The following GREM2 variants were observed in gnomAD, a reference collection of about 807,000 sequenced individuals.
GREM2 encodes gremlin-2.
Under a neutral mutation model 14.2 loss-of-function variants are expected in GREM2, and 11 were observed. The observed-to-expected ratio is 0.78, with a 90% CI of 0.49 to 1.28. GREM2 has a LOEUF of 1.28. GREM2 is among the 50% of genes most tolerant of loss of function. The pLI is 0.00. For synonymous variants in GREM2, 98 were observed against 97.6 expected (o/e 1.00, Z -0.02); for missense variants, 210 against 218.5 (o/e 0.96, Z 0.24).
chr1:240,609,786 T>C (rs1680098175), intron 1 of GREM2, among the ~76,000 whole-genome samples: 1 of 152,272 alleles, frequency 6.6e-6, no homozygotes, highest in East Asian at 1.9e-4. Context: ...CCTCTCCATA[T>C]CAATAAGAAC....
At position 240,492,682 on chromosome 1, in the gene GREM2, C is replaced by T. The variant is rs1677285527; in HGVS notation, c.*287G>A. On this transcript the variant is annotated 3_prime_UTR_variant, in exon 2 of 2. Coordinates refer to ENST00000318160, the MANE Select transcript of GREM2 (RefSeq NM_022469.4). ...CATCACCTCGAAAGGTCCTCTCTGA[C>T]TGCTGGGTGGCGGTGGTGGTTTTCC... 3.9e-6 allele frequency: 1 copy of T among 254,828 alleles called. No individual in the cohort carries two copies. The highest frequency in any genetic ancestry group is 1.7e-4 in the South Asian group (1 of 5,850). The allele number at this position is 254,828 out of a possible 1,614,324, so 15.8% of individuals were successfully genotyped here.
rs1247020023 is a variant in GREM2 at position 240,490,888 on chromosome 1, T to C, written c.*2081A>G. On this transcript the variant is annotated 3_prime_UTR_variant, in exon 2 of 2. Coordinates refer to ENST00000318160, the MANE Select transcript of GREM2 (RefSeq NM_022469.4). ...TCCATTACAATCACGTAAATTTCCT[T>C]CCTTCACAGCTTTTCTGCTGCATGT... is the stretch of plus-strand genomic sequence containing the variant. The C allele has an allele frequency of 1.3e-5, 2 of 152,268 alleles. No individual in the cohort carries two copies. The highest frequency in any genetic ancestry group is 2.9e-5 in the Non-Finnish European group (2 of 68,082). 9.4% of individuals were successfully genotyped at this position (152,268 alleles called of 1,614,324 possible).
chr1:240,593,276 C>T (rs1679746152), intron 1 of GREM2, among the ~76,000 whole-genome samples: 1 of 152,200 alleles, frequency 6.6e-6, no homozygotes. Context: ...GGGGAAGAGG[C>T]TGCTTTGCAG....
chr1:240,607,978 T>G (rs1680064468), intron 1 of GREM2, among the ~76,000 whole-genome samples: 2 of 152,240 alleles, frequency 1.3e-5, no homozygotes, highest in Admixed American at 6.5e-5. Flanking sequence ...TAAAGGACTA[T>G]ACTAGTAAAA....
chr1:240,603,790 A>G (rs1037152289), intron 1 of GREM2, among the ~76,000 whole-genome samples: 1 of 151,722 alleles, frequency 6.6e-6, no homozygotes, highest in South Asian at 2.1e-4. Flanking sequence ...TTATTGTGTT[A>G]TTATATATGT....
chr1:240,492,876 G>GT lies in GREM2; in HGVS notation c.*92dup, dbSNP rs1483434311. 5.7e-6 allele frequency: 7 copies of GT among 1,221,436 alleles called. No homozygotes were observed. In the African/African-American group the frequency reaches 8.0e-5, roughly 14 times the overall value. The allele number at this position is 1,221,436 out of a possible 1,614,324, so 75.7% of individuals were successfully genotyped here. On this transcript the variant is annotated 3_prime_UTR_variant, in exon 2 of 2. Coordinates refer to ENST00000318160, the MANE Select transcript of GREM2 (RefSeq NM_022469.4). ...CTGCTGAGGGGGAACACCAGGCAGC[G>GT]TGACAGTGGGCTCGGAGGGCAGGGA...
chr1:240,522,254 A>G (rs1303626035), intron 1 of GREM2, among the ~76,000 whole-genome samples: 2 of 152,194 alleles, frequency 1.3e-5, no homozygotes, highest in Non-Finnish European at 2.9e-5. Flanking sequence ...AATATAGAGC[A>G]CAGACTTTTG....
In GREM2 at chr1:240,515,726, T is replaced by C. The variant is rs548196139; in HGVS notation, c.-1-22250A>G. On this transcript the variant is annotated intron_variant, in intron 1 of 1. Coordinates refer to ENST00000318160, the MANE Select transcript of GREM2 (RefSeq NM_022469.4). ...CGTGGGTTTTCTTCCTGAGGCTGTGTTCCAGAGAGGGCAATAAAGGGTAAA... is the reference window on the plus strand; with the variant it reads ...CGTGGGTTTTCTTCCTGAGGCTGTGCTCCAGAGAGGGCAATAAAGGGTAAA... Among the ~76,000 whole-genome samples the C allele has an allele frequency of 3.4e-4, 52 of 152,316 alleles. No individual in the cohort carries two copies. The Middle Eastern group carries it at 0.017, about 50-fold the overall frequency.
At position 240,543,841 on chromosome 1, in the gene GREM2, T is replaced by C. The variant is rs151313852; in HGVS notation, c.-1-50365A>G. On this transcript the variant is annotated intron_variant, in intron 1 of 1. Transcript: ENST00000318160. The surrounding 1 kb of genome is among the most constrained non-coding windows in gnomAD (Gnocchi z 6.4). ...TTGATATCTTAAGAGAAATGCCCTA[T>C]ATAATGTGAGACTATTATAATTTTA... 2.7e-3 allele frequency among the ~76,000 whole-genome samples: 418 copies of C among 152,316 alleles called. 1 individual carries two copies. Among genetic ancestry groups the C allele is most frequent in the African/African-American group, 9.8e-3 (409 of 41,572 alleles).
intron 1 of GREM2, among the ~76,000 whole-genome samples, chr1:240,497,641 GAA>G (rs1553271627): frequency 2.0e-5 from 2 of 99,490 alleles, no homozygotes; most frequent in Non-Finnish European, 4.8e-5. Context: ...GCAGAAAGGA[GAA>G]AAAAAAAGTT....
chr1:240,549,032 C>G (rs1240582706), intron 1 of GREM2, among the ~76,000 whole-genome samples: 1 of 152,030 alleles, frequency 6.6e-6, no homozygotes, highest in African/African-American at 2.4e-5. Context: ...AAAGTCAGAT[C>G]AGACTGTTAA....
At chr1:240,573,925 G>T (rs1356886503) in intron 1 of GREM2, among the ~76,000 whole-genome samples, 1 of 151,960 alleles carries the variant, frequency 6.6e-6, no homozygotes, top group Non-Finnish European at 1.5e-5. Flanking sequence ...AGATAGGTTT[G>T]TTTTGTTTTG....
chr1:240,590,012 T>C (rs1452035985), intron 1 of GREM2, among the ~76,000 whole-genome samples: 1 of 152,014 alleles, frequency 6.6e-6, no homozygotes, highest in Non-Finnish European at 1.5e-5. Flanking sequence ...CCAGGACACA[T>C]GGTGGGAGGT....
rs996340077 is a variant in GREM2, at chr1:240,520,794, C to T, written c.-1-27318G>A. ...CAGACCTCAAGTGATCCTCTTGCCT[C>T]GGCTTCCCAAAGTGCTGGAATTGTA... is the stretch of plus-strand genomic sequence containing the variant. On this transcript the variant is annotated intron_variant, in intron 1 of 1. Coordinates refer to ENST00000318160, the MANE Select transcript of GREM2 (RefSeq NM_022469.4). 3.3e-5 allele frequency among the ~76,000 whole-genome samples: 5 copies of T among 151,778 alleles called. No homozygotes were observed. The East Asian group carries it at 5.8e-4, about 18-fold the overall frequency.
intron 1 of GREM2, among the ~76,000 whole-genome samples, chr1:240,522,255 C>T (rs1011663873): frequency 6.6e-6 from 1 of 151,836 alleles, no homozygotes; most frequent in Non-Finnish European, 1.5e-5. Flanking sequence ...ATATAGAGCA[C>T]AGACTTTTGA....
intron 1 of GREM2, among the ~76,000 whole-genome samples, chr1:240,519,715 T>A (rs1443908913): frequency 3.9e-5 from 6 of 152,098 alleles, no homozygotes; most frequent in Non-Finnish European, 5.9e-5. Flanking sequence ...CTTGAGGGCA[T>A]CATCAACTTA....
chr1:240,580,384 T>C (rs1404561114), intron 1 of GREM2, among the ~76,000 whole-genome samples: 1 of 152,218 alleles, frequency 6.6e-6, no homozygotes, highest in East Asian at 1.9e-4. Flanking sequence ...TGAATTTTCA[T>C]AAGCTTTTCT....
chr1:240,563,200 T>C (rs1679107819), intron 1 of GREM2, among the ~76,000 whole-genome samples: 3 of 150,744 alleles, frequency 2.0e-5, no homozygotes, highest in Admixed American at 2.0e-4. Context: ...TGTGAGTGTG[T>C]GTAAGTGAGT....
chr1:240,557,326 A>G (rs1678968689), intron 1 of GREM2, among the ~76,000 whole-genome samples: 1 of 152,176 alleles, frequency 6.6e-6, no homozygotes, highest in Non-Finnish European at 1.5e-5. Flanking sequence ...TGAAGAATTC[A>G]CCAATATCCA....
Sources: allele counts gnomAD v4.1 joint callset (sites outside exome capture counted in the v4.1 genomes callset), GRCh38; gene constraint gnomAD v4.1.1; non-coding constraint Gnocchi (gnomAD v3.1); transcripts MANE v1.5; gene names NCBI Gene and HGNC (gene_info 2026-07-23, HGNC 2026-07-21).